CCSER1: variants seen among roughly 807,000 people sequenced by gnomAD.
CCSER1 encodes the protein serine-rich coiled-coil domain-containing protein 1.
CCSER1 carries 41 observed loss-of-function variants against 82.0 expected under a neutral mutation model. The ratio of observed to expected loss-of-function variants is 0.50; its 90% CI spans 0.39 to 0.65. CCSER1 has a LOEUF of 0.65. CCSER1 is among the 30% of genes least tolerant of loss of function. CCSER1 has a pLI of 0.00. For synonymous variants in CCSER1, 414 were observed against 383.9 expected (o/e 1.08, Z -0.92); for missense variants, 1,119 against 1,064.2 (o/e 1.05, Z -0.72).
At chr4:91,358,394 G>GTT (rs138397342) in intron 10 of CCSER1, among the ~76,000 whole-genome samples, 1 of 102,302 alleles carries the variant, frequency 9.8e-6, no homozygotes, top group South Asian at 2.9e-4. Flanking sequence ...GACCCACGTT[G>GTT]TTTTTTTTTT....
chr4:90,889,539 C>T (rs1722659011), intron 8 of CCSER1, among the ~76,000 whole-genome samples: 1 of 152,044 alleles, frequency 6.6e-6, no homozygotes, highest in South Asian at 2.1e-4. Context: ...AAGGATAAGC[C>T]CATTAGGGAA....
intron 10 of CCSER1, among the ~76,000 whole-genome samples, chr4:91,456,140 TG>T (rs1304240012): frequency 9.9e-5 from 15 of 152,208 alleles, no homozygotes; most frequent in African/African-American, 3.1e-4. Flanking sequence ...GGTCAGTTCC[TG>T]GAGAGGGTTC....
chr4:90,659,156 G>A (rs767325733), intron 6 of CCSER1, among the ~76,000 whole-genome samples: 11 of 148,216 alleles, frequency 7.4e-5, no homozygotes, highest in African/African-American at 1.2e-4. Context: ...AATGGGACTC[G>A]TTGACTCACA....
Position 90,936,889 on chromosome 4 carries a change from G to T in CCSER1, c.2172+13442G>T, listed in dbSNP as rs189163054. Among the ~76,000 whole-genome samples the T allele has an allele frequency of 1.6e-4, 24 of 152,080 alleles. No individual in the cohort carries two copies. In the East Asian group the frequency reaches 4.4e-3, roughly 28 times the overall value. The stretch of plus-strand genomic sequence containing the variant: ...TTAGTAATAACGTATCTGCATCTGT[G>T]TGTAACATACAGTTATAGTCCTGGT... On this transcript the variant is annotated intron_variant, in intron 9 of 10. Transcript: ENST00000509176.
chr4:90,276,223 TTTC>T, intron 1 of CCSER1, among the ~76,000 whole-genome samples: 1 of 99,552 alleles, frequency 1.0e-5, no homozygotes, highest in Non-Finnish European at 2.0e-5. Flanking sequence ...TCTTTCTTTC[TTTC>T]TTTCTTTCTT....
At chr4:91,310,267 G>C (rs963988025) in intron 10 of CCSER1, among the ~76,000 whole-genome samples, 9 of 151,528 alleles carry the variant, frequency 5.9e-5, no homozygotes, top group African/African-American at 2.2e-4. Flanking sequence ...CTTGACCATT[G>C]TTATTCCCTG....
At chr4:91,577,305 T>C (rs984100998) in intron 10 of CCSER1, among the ~76,000 whole-genome samples, 3 of 151,954 alleles carry the variant, frequency 2.0e-5, no homozygotes, top group African/African-American at 7.2e-5. Context: ...AGATATATGA[T>C]ACTTGAAAGT....
chr4:91,430,223 A>G (rs1223515364), intron 10 of CCSER1, among the ~76,000 whole-genome samples: 3 of 152,160 alleles, frequency 2.0e-5, no homozygotes, highest in East Asian at 3.8e-4. Context: ...AAAAGCTATT[A>G]CAATGGTATA....
At chr4:91,290,702 T>A (rs1424987494) in intron 10 of CCSER1, among the ~76,000 whole-genome samples, 4 of 151,970 alleles carry the variant, frequency 2.6e-5, no homozygotes, top group African/African-American at 9.7e-5. Flanking sequence ...TCTTTTTCTA[T>A]AGAAAACATA....
intron 8 of CCSER1, among the ~76,000 whole-genome samples, chr4:90,908,780 T>C (rs1432508766): frequency 6.6e-6 from 1 of 152,102 alleles, no homozygotes; most frequent in East Asian, 1.9e-4. Flanking sequence ...GTTAGTGTGT[T>C]CAAGAAGGAG....
intron 1 of CCSER1, among the ~76,000 whole-genome samples, chr4:90,131,064 C>T (rs1473689937): frequency 6.6e-6 from 1 of 152,176 alleles, no homozygotes; most frequent in Non-Finnish European, 1.5e-5. Flanking sequence ...GTGGCGCAAT[C>T]TCGGCTCACT....
chr4:90,248,384 C>G (rs1414431684), intron 1 of CCSER1, among the ~76,000 whole-genome samples: 1 of 152,194 alleles, frequency 6.6e-6, no homozygotes, highest in Admixed American at 6.5e-5. Flanking sequence ...TGTCACTTGA[C>G]TGTATTCCTT....
chr4:91,193,718 C>G (rs17018204), intron 10 of CCSER1, among the ~76,000 whole-genome samples: 16,706 of 152,106 alleles, frequency 0.11, 1,057 homozygotes, highest in East Asian at 0.23. Context: ...CTATTTTAAA[C>G]TCTATGTCAT....
intron 8 of CCSER1, among the ~76,000 whole-genome samples, chr4:90,828,076 C>G (rs971388901): frequency 2.0e-5 from 3 of 152,072 alleles, no homozygotes; most frequent in African/African-American, 7.2e-5. Context: ...TTAATCTTCC[C>G]TGGTTGATGC....
At chr4:90,788,598 T>A (rs1014771931) in intron 7 of CCSER1, among the ~76,000 whole-genome samples, 5 of 152,156 alleles carry the variant, frequency 3.3e-5, no homozygotes, top group African/African-American at 9.7e-5. Context: ...AGGAAACTAG[T>A]CATTGTAAAA....
At chr4:91,515,504 CTCCA>C (rs1760058377) in intron 10 of CCSER1, among the ~76,000 whole-genome samples, 2 of 152,132 alleles carry the variant, frequency 1.3e-5, no homozygotes, top group Non-Finnish European at 2.9e-5. Context: ...TGGCTTCCAC[CTCCA>C]TCCATGTTGC....
At chr4:91,485,279 T>C (rs1425132329) in intron 10 of CCSER1, among the ~76,000 whole-genome samples, 2 of 152,188 alleles carry the variant, frequency 1.3e-5, no homozygotes, top group Non-Finnish European at 2.9e-5. Flanking sequence ...GACAAAGCGA[T>C]GATTTGGCAA....
At chr4:90,474,482 G>T (rs1249894149) in intron 5 of CCSER1, among the ~76,000 whole-genome samples, 3 of 152,176 alleles carry the variant, frequency 2.0e-5, no homozygotes, top group Non-Finnish European at 4.4e-5. Flanking sequence ...ATTAGATGTG[G>T]TTGGGGTAAT....
intron 10 of CCSER1, among the ~76,000 whole-genome samples, chr4:91,362,446 C>T (rs1408501397): frequency 6.6e-6 from 1 of 151,708 alleles, no homozygotes; most frequent in African/African-American, 2.4e-5. Flanking sequence ...TATTGGAAGA[C>T]TTTTTTTGAG....
Sources: gnomAD v4.1 joint callset for allele counts (sites outside exome capture counted in the v4.1 genomes callset) on GRCh38, gnomAD v4.1.1 for gene constraint, MANE v1.5 for transcripts, NCBI Gene and HGNC (gene_info 2026-07-23, HGNC 2026-07-21) for gene names.